LAMA1: variants seen among roughly 807,000 people sequenced by gnomAD.
LAMA1 encodes the protein laminin subunit alpha 1, also known as laminin subunit alpha-1.
Under a neutral mutation model 348.7 loss-of-function variants are expected in LAMA1, and 219 were observed. The observed-to-expected ratio is 0.63, with a 90% CI of 0.56 to 0.70. The LOEUF is 0.70. Among genes scored for constraint, LAMA1 ranks in the 30% least tolerant of loss-of-function variants. The pLI, the probability that LAMA1 is intolerant of heterozygous loss-of-function variation, is 0.00. For synonymous variants in LAMA1, 1,487 were observed against 1,491.0 expected, an observed-to-expected ratio of 1.00 and a Z score of 0.06; for missense variants, 3,744 against 3,888.0, an observed-to-expected ratio of 0.96 and a Z score of 0.99.
At chr18:7,036,144 C>G in intron 12 of LAMA1, 56 bp from the exon 13 acceptor site, 1 of 1,259,056 alleles carries the variant, frequency 7.9e-7, no homozygotes, top group Non-Finnish European at 1.2e-6. Flanking sequence ...CAGCAACAAT[C>G]AAGTAAGAGG....
chr18:6,949,228 A>C lies in LAMA1; in HGVS notation c.8429T>G (p.Phe2810Cys). 6.2e-7 allele frequency: 1 copy of C among 1,614,220 alleles called. No homozygotes were observed. ...AGACTCTCGGCCGTCGACAGTTATG[A>C]AGCCTTTTCTTTTAACATAGTCTGT... Reference protein sequence around the residue: ...VKTDYVKRKGFITVDGRESPM... With the variant: ...VKTDYVKRKGCITVDGRESPM... The change falls in exon 59 of 63, where the codon TTC (phenylalanine) becomes TGC (cysteine). Residue 2810 changes from phenylalanine (F) to cysteine (C), a missense_variant. Coordinates refer to ENST00000389658, the MANE Select transcript of LAMA1 (RefSeq NM_005559.4).
intron 24 of LAMA1, 38 bp downstream of exon 24, chr18:7,011,955 TGG>T (rs2144117279): frequency 1.3e-6 from 2 of 1,564,964 alleles, no homozygotes; most frequent in East Asian, 4.6e-5. Context: ...CCCAGGGGAG[TGG>T]GGTTAGAAGC....
intron 62 of LAMA1, among the ~76,000 whole-genome samples, 187 bp from the exon 63 acceptor site, chr18:6,942,426 T>G (rs1409968640): frequency 1.3e-5 from 2 of 152,154 alleles, no homozygotes; most frequent in African/African-American, 2.4e-5. Flanking sequence ...AAACTTTTTT[T>G]TTTTTGAGAT....
chr18:7,109,365 C>T (rs778883334), intron 1 of LAMA1, among the ~76,000 whole-genome samples: 1 of 152,198 alleles, frequency 6.6e-6, no homozygotes, highest in Non-Finnish European at 1.5e-5. Context: ...TTTTGATCTT[C>T]GAAACAGAAA....
Position 7,101,976 on chromosome 18 carries a change from C to T in LAMA1, c.61+15684G>A, listed in dbSNP as rs562781927. On this transcript the variant is annotated intron_variant, in intron 1 of 62. Transcript: ENST00000389658. ...TTATAGGTGTGACCACCACATCTGG[C>T]CCCTACAACAGTGACCAAAGGGTTA... 1.7e-3 allele frequency among the ~76,000 whole-genome samples: 261 copies of T among 151,986 alleles called. 1 individual carries two copies. Among genetic ancestry groups the T allele is most frequent in the African/African-American group, 6.0e-3 (248 of 41,436 alleles).
intron 39 of LAMA1, among the ~76,000 whole-genome samples, chr18:6,984,918 A>G (rs1194975465): frequency 6.6e-6 from 1 of 152,226 alleles, no homozygotes; most frequent in Non-Finnish European, 1.5e-5. Flanking sequence ...CAAAGCCCTG[A>G]GCATTCAGTA....
rs2057623018 is a variant in LAMA1 at position 6,964,406 on chromosome 18, A to C, written c.7337+256T>G. Among the ~76,000 whole-genome samples the C allele has an allele frequency of 2.0e-5, 3 of 152,164 alleles. No homozygotes were observed. The South Asian group carries it at 6.2e-4, about 32-fold the overall frequency. On this transcript the variant is annotated intron_variant, in intron 51 of 62. Transcript: ENST00000389658. ...ACAGTTGTCCTTATAAAAAGGGGAA[A>C]TGTGGACACAGGACCCAGGCCAAGG...
At chr18:6,974,450 CT>C (rs1390790565) in intron 46 of LAMA1, among the ~76,000 whole-genome samples, 3 of 140,992 alleles carry the variant, frequency 2.1e-5, no homozygotes, top group Non-Finnish European at 3.1e-5. Context: ...ATGCTTATTT[CT>C]TTTCTTTTTT....
At chr18:6,981,961 T>C (rs894057960) in intron 41 of LAMA1, among the ~76,000 whole-genome samples, 10 of 152,364 alleles carry the variant, frequency 6.6e-5, no homozygotes, top group Admixed American at 3.3e-4. Context: ...CTCTTACATA[T>C]GCCAAGTCAT....
chr18:7,112,394 C>A (rs759634841), intron 1 of LAMA1, among the ~76,000 whole-genome samples: 5 of 152,130 alleles, frequency 3.3e-5, no homozygotes, highest in Non-Finnish European at 5.9e-5. Flanking sequence ...TCACTGGTGT[C>A]CCTCTTACAC....
At chr18:7,089,698 A>G (rs2143799159) in intron 1 of LAMA1, among the ~76,000 whole-genome samples, 2 of 152,342 alleles carry the variant, frequency 1.3e-5, no homozygotes, top group South Asian at 4.1e-4. Flanking sequence ...CTCTTCAAAC[A>G]TAATTATTAT....
chr18:6,987,297 T>C (rs902708922), intron 36 of LAMA1, among the ~76,000 whole-genome samples: 16 of 152,206 alleles, frequency 1.1e-4, no homozygotes, highest in Non-Finnish European at 2.4e-4. Context: ...TTTCATTATA[T>C]ATAATACAGC....
intron 36 of LAMA1, among the ~76,000 whole-genome samples, chr18:6,990,349 G>A (rs1249850145): frequency 6.6e-6 from 1 of 152,110 alleles, no homozygotes; most frequent in East Asian, 1.9e-4. Context: ...GTAACGGTGG[G>A]AGGGGAGAGC....
chr18:6,950,934 T>G lies in LAMA1; in HGVS notation c.8245A>C (p.Ser2749Arg). The part of the protein sequence containing the change: ...VELSIRTFAS[S>R]GLIYYMAHQN... ...TGAGCCATGTAGTAAATCAGGCCGC[T>G]GGAGGCGAACGTGCGGATGCTTAGC... is the stretch of plus-strand genomic sequence containing the variant. The change falls in exon 58 of 63, where the codon AGC becomes CGC. Residue 2749 changes from serine (S) to arginine (R), a missense_variant. Coordinates refer to ENST00000389658, the MANE Select transcript of LAMA1 (RefSeq NM_005559.4). 7 of 1,614,152 alleles carry G rather than the reference T, an allele frequency of 4.3e-6. No individual in the cohort carries two copies. Among genetic ancestry groups the G allele is most frequent in the Non-Finnish European group, 5.9e-6 (7 of 1,180,030 alleles).
intron 29 of LAMA1, among the ~76,000 whole-genome samples, 186 bp from the exon 30 acceptor site, chr18:7,002,571 A>C (rs993362732): frequency 1.9e-4 from 29 of 152,330 alleles, no homozygotes; most frequent in Admixed American, 3.9e-4. Flanking sequence ...TGTGGCTTTC[A>C]TTCATCCTAA....
intron 58 of LAMA1, among the ~76,000 whole-genome samples, chr18:6,950,461 A>T (rs1013187287): frequency 6.6e-6 from 1 of 152,250 alleles, no homozygotes; most frequent in Admixed American, 6.5e-5. Context: ...AGTTCCGGTT[A>T]TCAGAAAGCA....
chr18:6,994,617 G>A (rs2057772599), intron 34 of LAMA1, among the ~76,000 whole-genome samples: 1 of 151,950 alleles, frequency 6.6e-6, no homozygotes, highest in Admixed American at 6.6e-5. Context: ...GTGTATGTGT[G>A]CATGTGTTGA....
intron 56 of LAMA1, 117 bp downstream of exon 56, chr18:6,956,519 A>G: frequency 6.6e-7 from 1 of 1,513,700 alleles, no homozygotes; most frequent in Non-Finnish European, 9.1e-7. Context: ...CTCCAGCTCC[A>G]GCTCCAGCTC....
At chr18:6,983,474 A>C (rs1368766146) in intron 39 of LAMA1, among the ~76,000 whole-genome samples, 1 of 152,188 alleles carries the variant, frequency 6.6e-6, no homozygotes, top group Non-Finnish European at 1.5e-5. Flanking sequence ...ATACCCAAGA[A>C]GAGACTATTG....
Sources: allele counts gnomAD v4.1 joint callset (sites outside exome capture counted in the v4.1 genomes callset), GRCh38; gene constraint gnomAD v4.1.1; transcripts MANE v1.5; gene names NCBI Gene and HGNC (gene_info 2026-07-23, HGNC 2026-07-21).